PRRT4: variants seen among roughly 807,000 people sequenced by gnomAD.
PRRT4 encodes proline rich transmembrane protein 4, also known as proline-rich transmembrane protein 4.
A neutral mutation model predicts 55.6 loss-of-function variants in PRRT4; 59 were observed. The observed-to-expected ratio is 1.06, with a 90% CI of 0.86 to 1.32. The LOEUF is 1.32. PRRT4 is among the 40% of genes most tolerant of loss of function. The pLI is 0.00. For missense variants in PRRT4, 1,217 were observed against 1,222.0 expected (o/e 1.00, Z 0.06); for synonymous variants, 606 against 601.8 (o/e 1.01, Z -0.10).
At chr7:128,350,764 G>A, downstream of PRRT4, 3 of 1,495,748 alleles carry the variant, frequency 2.0e-6, no homozygotes, top group Non-Finnish European at 2.7e-6. Context: ...ATCTGAGCCA[G>A]GGAGGATTGG....
At position 128,358,343 on chromosome 7, in the gene PRRT4, G is replaced by C. The variant is rs1445032314; in HGVS notation, c.877+338C>G. On this transcript the variant is annotated intron_variant, in intron 4 of 4. Coordinates refer to ENST00000535159, the Ensembl canonical transcript of PRRT4. The surrounding 1 kb of genome is among the most constrained non-coding windows in gnomAD (Gnocchi z 4.4). ...GAGCCCCAAGGTTGGTGGGGAGTCA[G>C]GTCAGGCAGACTGGAGTGGAGGGTG... is the stretch of plus-strand genomic sequence containing the variant. Among the ~76,000 whole-genome samples, 1 of 152,180 alleles carries C rather than the reference G, an allele frequency of 6.6e-6. No homozygotes were observed. Among genetic ancestry groups the C allele is most frequent in the East Asian group, 1.9e-4 (1 of 5,196 alleles).
At chr7:128,350,628 G>T (rs1003464695), downstream of PRRT4, 3 of 648,610 alleles carry the variant, frequency 4.6e-6, no homozygotes, top group Non-Finnish European at 7.7e-6. Flanking sequence ...TGCCAACCTA[G>T]ATTTGCAGCT....
At chr7:128,353,198 T>C (rs1031902248) in intron 4 of PRRT4, among the ~76,000 whole-genome samples, 1 of 152,246 alleles carries the variant, frequency 6.6e-6, no homozygotes, top group African/African-American at 2.4e-5. Flanking sequence ...CTGAAGCTCT[T>C]CTGAGAGGCA....
chr7:128,354,570 A>ACACAC (rs1231440333), intron 4 of PRRT4, among the ~76,000 whole-genome samples: 139 of 83,594 alleles, frequency 1.7e-3, no homozygotes, highest in African/African-American at 5.2e-3. Context: ...GCTCAAAAAA[A>ACACAC]ACACACACAC....
intron 4 of PRRT4, among the ~76,000 whole-genome samples, chr7:128,357,859 G>T (rs118173665): frequency 1.3e-5 from 2 of 152,122 alleles, no homozygotes; most frequent in Non-Finnish European, 2.9e-5. Context: ...GGTTTGTGTT[G>T]TCCCACCACT....
chr7:128,352,160 C>T (rs1250599702), exon 5 of PRRT4: 2 of 1,379,248 alleles, frequency 1.5e-6, no homozygotes, highest in Non-Finnish European at 1.9e-6. Flanking sequence ...GCAGCCAGGC[C>T]GGTGGGGCAC....
chr7:128,354,563 C>CAA (rs66484726), intron 4 of PRRT4, among the ~76,000 whole-genome samples: 1 of 147,476 alleles, frequency 6.8e-6, no homozygotes, highest in East Asian at 2.0e-4. Context: ...GACTCTGGCT[C>CAA]AAAAAAAACA....
chr7:128,359,095 G>C, intron 3 of PRRT4, 54 bp downstream of exon 4: 1 of 1,515,768 alleles, frequency 6.6e-7, no homozygotes, highest in African/African-American at 1.4e-5. Context: ...TCCTAGCACA[G>C]CGCTTGGCAC....
At chr7:128,359,592 G>A (rs766801176) in exon 2 of PRRT4, 22 of 1,512,622 alleles carry the variant, frequency 1.5e-5, no homozygotes, top group Middle Eastern at 1.7e-4. Flanking sequence ...CCAGAGCGCC[G>A]GGATGTGGAC....
exon 5 of PRRT4, chr7:128,351,574 T>C (rs1381569104): frequency 6.7e-7 from 1 of 1,500,560 alleles, no homozygotes; most frequent in Non-Finnish European, 8.8e-7. Context: ...CCCCAGGGGC[T>C]CCTTGTCTGG....
Position 128,358,546 on chromosome 7 carries a change from C to A in PRRT4, c.877+135G>T. The A allele has an allele frequency of 1.2e-6, 1 of 811,092 alleles. No individual in the cohort carries two copies. Among genetic ancestry groups the A allele is most frequent in the African/African-American group, 1.7e-5 (1 of 58,598 alleles). The allele number at this position is 811,092 out of a possible 1,614,324, so 50.2% of individuals were successfully genotyped here. The stretch of plus-strand genomic sequence containing the variant: ...CTCAGACCATTCATATATATCTCCA[C>A]GGTGATGATGAAGAGAATGATGATT... On this transcript the variant is annotated intron_variant, in intron 4 of 4. Coordinates refer to ENST00000535159, the Ensembl canonical transcript of PRRT4. This position sits in a 1 kb window ranked among gnomAD's most constrained non-coding sequence, Gnocchi z 4.4.
rs201492297 is a variant in PRRT4 at position 128,358,752 on chromosome 7, T to A, written c.806A>T (p.Lys269Met). 3.2e-4 allele frequency: 496 copies of A among 1,551,322 alleles called. No individual in the cohort carries two copies. Among genetic ancestry groups the A allele is most frequent in the Non-Finnish European group, 4.0e-4 (453 of 1,146,826 alleles). The change falls in exon 4 of 5, where the codon AAG (lysine) becomes ATG (methionine). Residue 269 changes from lysine to methionine, a missense_variant. Lys to Met is a moderately conservative substitution (Grantham distance 95, BLOSUM62 -1). Transcript: ENST00000535159. The surrounding 1 kb of genome is among the most constrained non-coding windows in gnomAD (Gnocchi z 4.4). ...GTCCAGAGGACTTGGGCTGGAGAGC[T>A]TCCTCTCCAGGGAGTATGGGGGCAG...
chr7:128,358,897 T>C lies in PRRT4; in HGVS notation c.758-97A>G. 3 of 1,460,816 alleles carry C rather than the reference T, an allele frequency of 2.1e-6. No homozygotes were observed. Among genetic ancestry groups the C allele is most frequent in the Non-Finnish European group, 1.8e-6 (2 of 1,107,766 alleles). 90.5% of individuals were successfully genotyped at this position (1,460,816 alleles called of 1,614,324 possible). On this transcript the variant is annotated intron_variant, in intron 3 of 4. Coordinates refer to ENST00000535159, the Ensembl canonical transcript of PRRT4. The surrounding 1 kb of genome is among the most constrained non-coding windows in gnomAD (Gnocchi z 4.4). ...TTATGTCCTTCCCCAGAGTTTGTCC[T>C]AAGGAAGTCACTGTCCCAGGAATTG...
At chr7:128,353,968 C>G (rs1473030580) in intron 4 of PRRT4, among the ~76,000 whole-genome samples, 2 of 152,154 alleles carry the variant, frequency 1.3e-5, no homozygotes, top group Non-Finnish European at 2.9e-5. Context: ...AGGATTCTCC[C>G]CAGGGCCAGG....
Position 128,352,488 on chromosome 7 carries a change from C to T in PRRT4, c.1068G>A (p.Arg356=), listed in dbSNP as rs552123372. ...CCTCCCAGGCCAGCCCCCAGCGAGC[C>T]CTGGCCTCTGCCCAGTCGGCCTCCA... The change falls in exon 5 of 5, where the codon AGG becomes AGA. Residue 356 remains arginine, a synonymous_variant. Transcript: ENST00000535159. 5 of 1,541,024 alleles carry T rather than the reference C, an allele frequency of 3.2e-6. No homozygotes were observed. In the African/African-American group the frequency reaches 6.8e-5, roughly 21 times the overall value.
At chr7:128,351,487 T>C (rs777248778) in exon 5 of PRRT4, 6 of 1,518,378 alleles carry the variant, frequency 4.0e-6, no homozygotes, top group Non-Finnish European at 5.3e-6. Context: ...ACCTCCGCCC[T>C]GGAGTAGGAG....
exon 5 of PRRT4, chr7:128,350,947 T>C (rs982460084): frequency 6.4e-7 from 1 of 1,550,746 alleles, no homozygotes; most frequent in African/African-American, 1.4e-5. Context: ...CTCCTCGGCC[T>C]GCAGCTCAGA....
chr7:128,351,726 G>A, exon 5 of PRRT4: 10 of 1,471,574 alleles, frequency 6.8e-6, no homozygotes, highest in Non-Finnish European at 8.9e-6. Flanking sequence ...GGAGCGCGAC[G>A]CCCACCTCGC....
In PRRT4 at chr7:128,361,212, C is replaced by T. The variant is rs183933341; in HGVS notation, c.-73+349G>A. On this transcript the variant is annotated intron_variant, in intron 1 of 4. Coordinates refer to ENST00000535159, the Ensembl canonical transcript of PRRT4. Reference sequence around the variant, plus strand: ...CACAGACATGCCACACACCGCCATCCCCCCACACTCGTACACGCCCACCAC... The same window carrying T: ...CACAGACATGCCACACACCGCCATCTCCCCACACTCGTACACGCCCACCAC... 873 of 152,908 alleles carry T rather than the reference C, an allele frequency of 5.7e-3. 11 individuals carry two copies. Among genetic ancestry groups the T allele is most frequent in the African/African-American group, 0.02 (818 of 41,262 alleles). 9.5% of individuals were successfully genotyped at this position (152,908 alleles called of 1,614,324 possible). A position where few individuals can be genotyped will look rare whatever the true frequency, so the allele number is the denominator to read the frequency against.
Sources: gnomAD v4.1 joint callset for allele counts (sites outside exome capture counted in the v4.1 genomes callset) on GRCh38, gnomAD v4.1.1 for gene constraint, Gnocchi (gnomAD v3.1) non-coding constraint, MANE v1.5 for transcripts, NCBI Gene and HGNC (gene_info 2026-07-23, HGNC 2026-07-21) for gene names.